The following TSHR variants were observed in gnomAD, a reference collection of about 807,000 sequenced individuals.
TSHR encodes the protein thyroid stimulating hormone receptor, also known as thyrotropin receptor.
TSHR carries 51 observed loss-of-function variants against 64.1 expected under a neutral mutation model. The observed-to-expected ratio is 0.80, with a 90% confidence interval of 0.64 to 1.01. The LOEUF is 1.01. TSHR is among the 50% of genes least tolerant of loss of function. The pLI is 0.00. For synonymous variants in TSHR, 361 were observed against 361.9 expected (o/e 1.00, Z 0.03); for missense variants, 877 against 942.8 (o/e 0.93, Z 0.91).
chr14:81,020,702 C>G (rs1258315974), intron 1 of TSHR, among the ~76,000 whole-genome samples: 1 of 152,204 alleles, frequency 6.6e-6, no homozygotes, highest in East Asian at 1.9e-4. Context: ...GACAAGTAAG[C>G]TGCATCTGGT....
At chr14:81,123,445 TTTTTATAA>T (rs1890888791) in intron 8 of TSHR, among the ~76,000 whole-genome samples, 1 of 152,252 alleles carries the variant, frequency 6.6e-6, no homozygotes, top group Non-Finnish European at 1.5e-5. Flanking sequence ...TGTCTTATAC[TTTTTATAA>T]CCTTCCTGTA....
At chr14:81,097,829 T>C (rs1566812350) in intron 7 of TSHR, among the ~76,000 whole-genome samples, 1 of 152,228 alleles carries the variant, frequency 6.6e-6, no homozygotes, top group Non-Finnish European at 1.5e-5. Context: ...TTGTGCTTCA[T>C]ACCAGTCTTT....
At chr14:81,047,837 C>G (rs758531086) in intron 1 of TSHR, among the ~76,000 whole-genome samples, 2 of 151,816 alleles carry the variant, frequency 1.3e-5, no homozygotes, top group East Asian at 1.9e-4. Context: ...TAGTTGAGAC[C>G]GGGTTTCACC....
chr14:81,037,909 AT>A (rs1462061180), intron 1 of TSHR, among the ~76,000 whole-genome samples: 5 of 150,858 alleles, frequency 3.3e-5, no homozygotes, highest in South Asian at 2.1e-4. Context: ...TCAGCAATAG[AT>A]AGATCATCCA....
chr14:80,997,563 G>T (rs1889088673), intron 1 of TSHR, among the ~76,000 whole-genome samples: 1 of 152,140 alleles, frequency 6.6e-6, no homozygotes, highest in South Asian at 2.1e-4. Context: ...CCTCCAACTA[G>T]CTCTTTTACC....
chr14:80,996,597 A>G (rs1439419687), intron 1 of TSHR, among the ~76,000 whole-genome samples: 4 of 40,814 alleles, frequency 9.8e-5, no homozygotes, highest in Non-Finnish European at 2.8e-4. Flanking sequence ...CTGGTCCTCA[A>G]CTGGCAAGAA....
chr14:81,124,768 C>T (rs1319371409), intron 8 of TSHR, among the ~76,000 whole-genome samples: 1 of 151,924 alleles, frequency 6.6e-6, no homozygotes, highest in African/African-American at 2.4e-5. Flanking sequence ...ATTTGTGTTT[C>T]CCTGATTATT....
intron 1 of TSHR, among the ~76,000 whole-genome samples, chr14:81,040,709 T>C (rs1473566384): frequency 2.6e-5 from 4 of 152,074 alleles, no homozygotes; most frequent in African/African-American, 9.7e-5. Flanking sequence ...AAAGTAACTA[T>C]CAACAGAGTA....
rs61978748 is a variant in TSHR at position 81,058,664 on chromosome 14, G to A, written c.171-3484G>A. On this transcript the variant is annotated intron_variant, in intron 1 of 9. Coordinates refer to ENST00000298171, the MANE Select transcript of TSHR (RefSeq NM_000369.5). ...TTTCATTAGAAACAAATTCTATTGCGATGCAAATTCTTTGGACAAAAGTGA... is the reference window on the plus strand; with the variant it reads ...TTTCATTAGAAACAAATTCTATTGCAATGCAAATTCTTTGGACAAAAGTGA... Among the ~76,000 whole-genome samples, 1,430 of 152,184 alleles carry A rather than the reference G, an allele frequency of 9.4e-3. 16 individuals are homozygous for A. The highest frequency in any genetic ancestry group is 0.015 in the Non-Finnish European group (1,041 of 68,010).
intron 8 of TSHR, among the ~76,000 whole-genome samples, chr14:81,132,190 G>A (rs375172727): frequency 1.3e-4 from 20 of 152,176 alleles, no homozygotes; most frequent in African/African-American, 3.4e-4. Context: ...ATGTAACTGC[G>A]CATTTATAAT....
chr14:81,100,467 C>A (rs542174340), intron 7 of TSHR, among the ~76,000 whole-genome samples: 1 of 152,312 alleles, frequency 6.6e-6, no homozygotes, highest in South Asian at 2.1e-4. Context: ...TTCTCCAATG[C>A]ACACCAGCTG....
chr14:80,996,917 A>G (rs1889051615), intron 1 of TSHR, among the ~76,000 whole-genome samples: 1 of 152,174 alleles, frequency 6.6e-6, no homozygotes, highest in South Asian at 2.1e-4. Context: ...AGGAAACCTA[A>G]TATGAAATCA....
chr14:81,088,438 A>T (rs186498212), intron 4 of TSHR, among the ~76,000 whole-genome samples: 2 of 152,144 alleles, frequency 1.3e-5, no homozygotes, highest in Admixed American at 6.6e-5. Context: ...TGGGGAGTGG[A>T]GGGAAAACAG....
chr14:81,064,466 CACAG>C (rs1176212121), intron 2 of TSHR, among the ~76,000 whole-genome samples: 3 of 152,012 alleles, frequency 2.0e-5, no homozygotes, highest in Admixed American at 1.3e-4. Flanking sequence ...CACATCAGGA[CACAG>C]ACAGAATTTT....
intron 1 of TSHR, among the ~76,000 whole-genome samples, chr14:80,999,984 T>G (rs1594936432): frequency 6.8e-6 from 1 of 147,754 alleles, no homozygotes; most frequent in Non-Finnish European, 1.5e-5. Context: ...CAGGCTGGAG[T>G]GCAGTGGCAT....
chr14:81,123,947 T>C (rs1178585730), intron 8 of TSHR, among the ~76,000 whole-genome samples: 2 of 152,180 alleles, frequency 1.3e-5, no homozygotes, highest in Admixed American at 6.5e-5. Flanking sequence ...CTTGGTGTTT[T>C]AAATCTCAGA....
rs772622586 is a variant in TSHR, at chr14:81,139,915, TG to T, written c.881+50del. 1.4e-5 allele frequency: 22 copies of T among 1,607,166 alleles called. No individual in the cohort carries two copies. The South Asian group carries it at 2.4e-4, about 18-fold the overall frequency. Reference sequence around the variant, plus strand: ...AAGTGACAAAAGACCTTGGTGGAAGTGGAATTCATTTCTTGGTTTTGGGGAA... The same window carrying T: ...AAGTGACAAAAGACCTTGGTGGAAGTGAATTCATTTCTTGGTTTTGGGGAA... On this transcript the variant is annotated intron_variant, in intron 9 of 9. Transcript: ENST00000298171.
intron 1 of TSHR, chr14:80,957,718 T>C (rs1010225653): frequency 1.3e-5 from 2 of 151,886 alleles, no homozygotes; most frequent in African/African-American, 4.8e-5. Context: ...GGAACAGGAG[T>C]CAGGAAACCA....
chr14:81,012,704 T>C (rs111793776), intron 1 of TSHR: 2 of 152,154 alleles, frequency 1.3e-5, no homozygotes, highest in African/African-American at 4.8e-5. Context: ...ATGGTGAGCA[T>C]TTTTTCATGT....
Sources: allele counts gnomAD v4.1 joint callset (sites outside exome capture counted in the v4.1 genomes callset), GRCh38; gene constraint gnomAD v4.1.1; transcripts MANE v1.5; gene names NCBI Gene and HGNC (gene_info 2026-07-23, HGNC 2026-07-21).